THRB: variants seen among roughly 807,000 people sequenced by gnomAD.
THRB encodes thyroid hormone receptor beta.
Under a neutral mutation model 47.8 loss-of-function variants are expected in THRB, and 12 were observed. That is an observed-to-expected ratio of 0.25 (90% CI 0.16 to 0.41). THRB has a LOEUF of 0.41. Among genes scored for constraint, THRB ranks in the 10% least tolerant of loss-of-function variants. The pLI is 1.00. For synonymous variants in THRB, 218 were observed against 212.2 expected, an observed-to-expected ratio of 1.03 and a Z score of -0.24; for missense variants, 348 against 589.2, an observed-to-expected ratio of 0.59 and a Z score of 4.24.
At chr3:24,195,015 G>A (rs890649346) in intron 4 of THRB, among the ~76,000 whole-genome samples, 2 of 152,130 alleles carry the variant, frequency 1.3e-5, no homozygotes, top group African/African-American at 4.8e-5. Flanking sequence ...TGTATAAAAC[G>A]TGCTTTGTAA....
chr3:24,324,337 T>C (rs2058676501), intron 2 of THRB, among the ~76,000 whole-genome samples: 1 of 152,216 alleles, frequency 6.6e-6, no homozygotes, highest in South Asian at 2.1e-4. Context: ...TTTAGAGTAA[T>C]GGCCAAAACC....
intron 3 of THRB, among the ~76,000 whole-genome samples, chr3:24,290,368 C>G (rs974551692): frequency 6.6e-6 from 1 of 152,180 alleles, no homozygotes; most frequent in Admixed American, 6.5e-5. Flanking sequence ...GGCCGAGACC[C>G]TCTTTGGGCC....
intron 3 of THRB, among the ~76,000 whole-genome samples, chr3:24,251,340 G>C (rs1284830281): frequency 6.6e-6 from 1 of 151,984 alleles, no homozygotes; most frequent in Non-Finnish European, 1.5e-5. Flanking sequence ...AAGTCAGAAA[G>C]CTTATAGGAC....
chr3:24,466,917 G>GAAGTTT (rs2074201550), intron 1 of THRB, among the ~76,000 whole-genome samples: 1 of 152,146 alleles, frequency 6.6e-6, no homozygotes, highest in Admixed American at 6.5e-5. Context: ...AGACAATAAT[G>GAAGTTT]AAGTTTGCTG....
chr3:24,309,336 T>G (rs928613053), intron 2 of THRB, among the ~76,000 whole-genome samples: 1 of 152,254 alleles, frequency 6.6e-6, no homozygotes, highest in Non-Finnish European at 1.5e-5. Context: ...GTTTTGTTTC[T>G]TTACTCTCTT....
rs889601703 is a variant in THRB, at chr3:24,326,757, T to G, written c.-189+10543A>C. ...TCACTAGAAGCTGTCCAGTCTTGTCTTTTTTTTTTTTTTTTTTTTTTTTTT... is the reference window on the plus strand; with the variant it reads ...TCACTAGAAGCTGTCCAGTCTTGTCGTTTTTTTTTTTTTTTTTTTTTTTTT... On this transcript the variant is annotated intron_variant, in intron 2 of 10. Transcript: ENST00000646209. 5.0e-5 allele frequency among the ~76,000 whole-genome samples: 5 copies of G among 99,980 alleles called. No individual in the cohort carries two copies. The South Asian group carries it at 1.9e-3, about 38-fold the overall frequency. 65.6% of individuals were successfully genotyped at this position (99,980 alleles called of 152,430 possible). A position where few individuals can be genotyped will look rare whatever the true frequency, so the allele number is the denominator to read the frequency against.
intron 2 of THRB, among the ~76,000 whole-genome samples, chr3:24,306,639 C>A (rs77870569): frequency 6.6e-6 from 1 of 150,598 alleles, no homozygotes; most frequent in Non-Finnish European, 1.5e-5. Flanking sequence ...TTTTTTTTTT[C>A]TAAGGCATAG....
At chr3:24,279,868 T>C (rs191114554) in intron 3 of THRB, among the ~76,000 whole-genome samples, 6 of 152,308 alleles carry the variant, frequency 3.9e-5, no homozygotes, top group African/African-American at 1.2e-4. Context: ...TAATCTGTGA[T>C]CCATGGACCA....
At chr3:24,248,736 G>T (rs959393468) in intron 3 of THRB, among the ~76,000 whole-genome samples, 2 of 152,074 alleles carry the variant, frequency 1.3e-5, no homozygotes, top group African/African-American at 4.8e-5. Context: ...GTCCCTTTGC[G>T]TCCCTCAGAG....
chr3:24,194,381 G>C (rs6799431), intron 4 of THRB, among the ~76,000 whole-genome samples: 45,211 of 152,054 alleles, frequency 0.3, 8,552 homozygotes, highest in African/African-American at 0.54. Flanking sequence ...TTCTAGAAAC[G>C]ATCATATCTT....
At chr3:24,215,935 C>A (rs1288448339) in intron 4 of THRB, among the ~76,000 whole-genome samples, 1 of 152,228 alleles carries the variant, frequency 6.6e-6, no homozygotes, top group East Asian at 1.9e-4. Context: ...CAAGTGTCAC[C>A]TGCCAACCAA....
intron 1 of THRB, chr3:24,493,986 A>ACC (rs1698598779): frequency 6.6e-6 from 1 of 152,248 alleles, no homozygotes; most frequent in South Asian, 2.1e-4. Flanking sequence ...ACTCGAGGAG[A>ACC]CCCAGAGGAA....
intron 1 of THRB, among the ~76,000 whole-genome samples, chr3:24,469,880 G>A (rs1263728240): frequency 6.6e-6 from 1 of 152,186 alleles, no homozygotes; most frequent in Admixed American, 6.5e-5. Flanking sequence ...TTTCAAGTGA[G>A]CAAAGGGAAA....
intron 3 of THRB, among the ~76,000 whole-genome samples, chr3:24,263,003 T>C (rs1321112745): frequency 6.6e-6 from 1 of 152,198 alleles, no homozygotes; most frequent in Non-Finnish European, 1.5e-5. Context: ...ACATGTCTTC[T>C]AGAGTATCTG....
Position 24,118,267 on chromosome 3 carries a change from C to T in THRB, c.*4617G>A, listed in dbSNP as rs954641685. On this transcript the variant is annotated 3_prime_UTR_variant, in exon 11 of 11. Coordinates refer to ENST00000646209, the MANE Select transcript of THRB (RefSeq NM_001354712.2). Reference sequence around the variant, plus strand: ...TTTAAGCTTATGAGTTTATCTACGCCCACTATATTCATAATTACAGTTTTA... The same window carrying T: ...TTTAAGCTTATGAGTTTATCTACGCTCACTATATTCATAATTACAGTTTTA... The T allele has an allele frequency of 6.6e-5, 10 of 152,172 alleles. No homozygotes were observed. The highest frequency in any genetic ancestry group is 2.4e-4 in the African/African-American group (10 of 41,114). 9.4% of individuals were successfully genotyped at this position (152,172 alleles called of 1,614,324 possible). A position where few individuals can be genotyped will look rare whatever the true frequency, so the allele number is the denominator to read the frequency against.
At chr3:24,208,953 G>C (rs1467596233) in intron 4 of THRB, among the ~76,000 whole-genome samples, 9 of 152,114 alleles carry the variant, frequency 5.9e-5, no homozygotes, top group African/African-American at 2.2e-4. Context: ...TCTGACAAAG[G>C]GCTAATATCC....
intron 1 of THRB, among the ~76,000 whole-genome samples, chr3:24,351,000 G>A (rs2063325210): frequency 6.6e-6 from 1 of 152,038 alleles, no homozygotes; most frequent in South Asian, 2.1e-4. Flanking sequence ...TATAAAAGAG[G>A]AGGCTAAAAG....
At chr3:24,235,308 G>T (rs2048746783) in intron 3 of THRB, among the ~76,000 whole-genome samples, 1 of 152,098 alleles carries the variant, frequency 6.6e-6, no homozygotes, top group Non-Finnish European at 1.5e-5. Context: ...CGAAACTACA[G>T]CACTGAAGGG....
chr3:24,397,853 A>C (rs981409160), intron 1 of THRB, among the ~76,000 whole-genome samples: 1 of 152,082 alleles, frequency 6.6e-6, no homozygotes, highest in South Asian at 2.1e-4. Context: ...CAAAGAGGGA[A>C]GTGGAGCTCA....
Sources: gnomAD v4.1 joint callset for allele counts (sites outside exome capture counted in the v4.1 genomes callset) on GRCh38, gnomAD v4.1.1 for gene constraint, MANE v1.5 for transcripts, NCBI Gene and HGNC (gene_info 2026-07-23, HGNC 2026-07-21) for gene names.